Variants in COPS3 observed in about 807,000 individuals in gnomAD.
COPS3 encodes COP9 signalosome subunit 3, also known as COP9 signalosome complex subunit 3.
COPS3 carries 10 observed loss-of-function variants against 58.2 expected under a neutral mutation model. That is an observed-to-expected ratio of 0.17 (90% CI 0.11 to 0.29). The LOEUF is 0.29. Ranked by LOEUF, COPS3 falls within the 10% of genes least tolerant of loss-of-function variation. The pLI, the probability that COPS3 is intolerant of heterozygous loss-of-function variation, is 1.00. For synonymous variants in COPS3, 187 were observed against 181.7 expected (o/e 1.03, Z -0.24); for missense variants, 333 against 510.1 (o/e 0.65, Z 3.34).
chr17:17,271,233 C>T (rs2048333978), intron 2 of COPS3, among the ~76,000 whole-genome samples: 2 of 151,904 alleles, frequency 1.3e-5, no homozygotes, highest in Admixed American at 6.6e-5. Context: ...AGTTTGAGAC[C>T]AGTCTGAGCA....
At chr17:17,268,147 CTT>C (rs2048268450) in intron 4 of COPS3, 170 bp from the exon 5 acceptor site, 1 of 1,011,414 alleles carries the variant, frequency 9.9e-7, no homozygotes, top group South Asian at 3.0e-5. Flanking sequence ...AGTCAGAAAA[CTT>C]TTCTTAAGCT....
chr17:17,251,319 A>T (rs2047837416), intron 9 of COPS3, among the ~76,000 whole-genome samples: 1 of 145,846 alleles, frequency 6.9e-6, no homozygotes, highest in Non-Finnish European at 1.5e-5. Context: ...TTGGAGACGG[A>T]GTTTCGCTCT....
intron 6 of COPS3, among the ~76,000 whole-genome samples, chr17:17,263,183 G>A (rs1243747705): frequency 6.6e-6 from 1 of 151,556 alleles, no homozygotes; most frequent in African/African-American, 2.4e-5. Context: ...AGCTAGTCAC[G>A]AGGCTGAGGC....
chr17:17,248,324 G>T (rs933917070), intron 10 of COPS3, among the ~76,000 whole-genome samples: 2 of 151,984 alleles, frequency 1.3e-5, no homozygotes, highest in Non-Finnish European at 2.9e-5. Flanking sequence ...AGAGAGTTTT[G>T]TTTTTTTGAG....
intron 1 of COPS3, chr17:17,280,889 GA>G: frequency 2.0e-6 from 2 of 990,444 alleles, no homozygotes; most frequent in Non-Finnish European, 2.8e-6. Context: ...AGGCCGGGGG[GA>G]GGGGGCTCCC....
At position 17,267,909 on chromosome 17, in the gene COPS3, G is replaced by A. The variant is rs771702594; in HGVS notation, c.417C>T (p.Thr139=). ...DKMQMNTNQL[T]SIHADLCQLC... is the part of the protein sequence containing the mutation. ...CCTGGCAGAGATCAGCATGTATTGA[G>A]GTCAGCTGGTTTGTATTCATCTGCA... Residue 139 remains threonine (T), a synonymous_variant, in exon 5 of 12, where the codon ACC becomes ACT. Coordinates refer to ENST00000268717, the MANE Select transcript of COPS3 (RefSeq NM_003653.4). 18 of 1,613,862 alleles carry A rather than the reference G, an allele frequency of 1.1e-5. No individual in the cohort carries two copies. The East Asian group carries it at 3.8e-4, about 34-fold the overall frequency.
chr17:17,255,261 C>T (rs1426043867), intron 8 of COPS3, among the ~76,000 whole-genome samples: 1 of 151,578 alleles, frequency 6.6e-6, no homozygotes, highest in African/African-American at 2.4e-5. Flanking sequence ...GACTGAGCCA[C>T]TGAACTCCAG....
intron 1 of COPS3, chr17:17,280,661 G>C (rs1047833214): frequency 7.7e-7 from 1 of 1,305,760 alleles, no homozygotes; most frequent in Non-Finnish European, 1.0e-6. Context: ...GGAGCTGGCA[G>C]AGGCGAGCCA....
chr17:17,252,716 T>C (rs1285082874), intron 9 of COPS3, among the ~76,000 whole-genome samples: 1 of 152,206 alleles, frequency 6.6e-6, no homozygotes, highest in Non-Finnish European at 1.5e-5. Flanking sequence ...TCTGGTGTCA[T>C]AACCACTCAT....
At chr17:17,259,720 C>T (rs2048051226) in intron 8 of COPS3, among the ~76,000 whole-genome samples, 1 of 152,064 alleles carries the variant, frequency 6.6e-6, no homozygotes, top group Non-Finnish European at 1.5e-5. Flanking sequence ...ATAGCAAAAC[C>T]TTGTCTATAC....
chr17:17,264,687 A>G, intron 6 of COPS3, 115 bp downstream of exon 6: 1 of 780,330 alleles, frequency 1.3e-6, no homozygotes, highest in South Asian at 1.9e-5. Context: ...CTCTGAAAGG[A>G]CCAACACCTG....
intron 1 of COPS3, among the ~76,000 whole-genome samples, chr17:17,279,482 A>C (rs1165331430): frequency 6.6e-6 from 1 of 152,202 alleles, no homozygotes; most frequent in African/African-American, 2.4e-5. Flanking sequence ...AGAAAAGGCA[A>C]GCCTGTGCCT....
chr17:17,266,274 G>A (rs28573286), intron 5 of COPS3, among the ~76,000 whole-genome samples: 10 of 152,096 alleles, frequency 6.6e-5, no homozygotes, highest in African/African-American at 2.2e-4. Context: ...AATACAAAAA[G>A]CAAGCTACAT....
At chr17:17,264,413 A>C (rs1186102346) in intron 6 of COPS3, among the ~76,000 whole-genome samples, 1 of 152,202 alleles carries the variant, frequency 6.6e-6, no homozygotes, top group African/African-American at 2.4e-5. Flanking sequence ...AATCAAGAGA[A>C]TGTTTCACTG....
intron 1 of COPS3, among the ~76,000 whole-genome samples, chr17:17,280,181 G>C (rs1455694739): frequency 6.6e-6 from 1 of 152,302 alleles, no homozygotes; most frequent in East Asian, 1.9e-4. Context: ...GGAGGCCGAG[G>C]CCAGTGGATC....
chr17:17,267,206 C>T (rs1222146179), intron 5 of COPS3, among the ~76,000 whole-genome samples: 1 of 151,108 alleles, frequency 6.6e-6, no homozygotes, highest in Non-Finnish European at 1.5e-5. Context: ...GGCGTGATAG[C>T]GGGCGCCTGT....
intron 9 of COPS3, among the ~76,000 whole-genome samples, chr17:17,249,703 G>A (rs550968250): frequency 6.6e-6 from 1 of 152,152 alleles, no homozygotes; most frequent in Non-Finnish European, 1.5e-5. Context: ...TGTTGGTCAG[G>A]CTGGTCTCCA....
At chr17:17,268,328 C>T (rs2048271928) in intron 4 of COPS3, among the ~76,000 whole-genome samples, 1 of 152,172 alleles carries the variant, frequency 6.6e-6, no homozygotes, top group Admixed American at 6.5e-5. Context: ...CAAGAGACAA[C>T]AGCCTATGCT....
Position 17,262,031 on chromosome 17 carries a change from T to C in COPS3, c.697A>G (p.Ile233Val). The change falls in exon 7 of 12, where the codon ATA (isoleucine) becomes GTA (valine). Residue 233 changes from isoleucine (I) to valine (V), a missense_variant. Physicochemically the swap from Ile to Val is conservative, Grantham distance 29. Transcript: ENST00000268717. The part of the protein sequence containing the change: ...SYKKYILVSL[I>V]LLGKVQQLPK... The stretch of plus-strand genomic sequence containing the variant: ...AGCTGTTGTACTTTGCCAAGTAATA[T>C]CAAAGACACTAAAATATACTTTTTA... 1 of 1,608,608 alleles carries C rather than the reference T, an allele frequency of 6.2e-7. No individual in the cohort carries two copies. The highest frequency in any genetic ancestry group is 8.5e-7 in the Non-Finnish European group (1 of 1,176,650).
Sources: allele counts gnomAD v4.1 joint callset (sites outside exome capture counted in the v4.1 genomes callset), GRCh38; gene constraint gnomAD v4.1.1; transcripts MANE v1.5; gene names NCBI Gene and HGNC (gene_info 2026-07-23, HGNC 2026-07-21).